Variants in SPG11 observed in about 807,000 individuals in gnomAD.
SPG11 encodes the protein SPG11 vesicle trafficking associated, spatacsin, also known as spatacsin.
Under a neutral mutation model 274.0 loss-of-function variants are expected in SPG11, and 222 were observed. That is an observed-to-expected ratio of 0.81 (90% CI 0.73 to 0.91). The LOEUF is 0.91. SPG11 is among the 40% of genes least tolerant of loss of function. SPG11 has a pLI of 0.00. For missense variants in SPG11, 3,114 were observed against 2,872.7 expected, an observed-to-expected ratio of 1.08 and a Z score of -1.92; for synonymous variants, 1,144 against 1,039.7, an observed-to-expected ratio of 1.10 and a Z score of -1.93.
chr15:44,608,519 T>C lies in SPG11; in HGVS notation c.3378A>G (p.Leu1126=). The change falls in exon 19 of 40, where the codon CTA becomes CTG. Residue 1126 remains leucine, a synonymous_variant. Coordinates refer to ENST00000261866, the MANE Select transcript of SPG11 (RefSeq NM_025137.4). ...LKMALTPYPK[L]KTALFPQCTP... ...TGCACTGTGGGAAGAGAGCAGTTTT[T>C]AGCTTGGGGTAAGGAGTTAATGCCA... 1 of 1,614,164 alleles carries C rather than the reference T, an allele frequency of 6.2e-7. No homozygotes were observed. Among genetic ancestry groups the C allele is most frequent in the Non-Finnish European group, 8.5e-7 (1 of 1,180,010 alleles).
intron 20 of SPG11, among the ~76,000 whole-genome samples, chr15:44,603,872 ATTGT>A (rs2083255606): frequency 6.6e-6 from 1 of 151,972 alleles, no homozygotes; most frequent in African/African-American, 2.4e-5. Context: ...TAATTGTTCT[ATTGT>A]TTTTCTTTTT....
intron 22 of SPG11, 28 bp downstream of exon 22, chr15:44,598,603 A>G: frequency 6.2e-7 from 1 of 1,606,474 alleles, no homozygotes; most frequent in Admixed American, 1.7e-5. Context: ...TTCTCTAAAC[A>G]AAGCAGGCCA....
At position 44,563,125 on chromosome 15, in the gene SPG11, C is replaced by A. The variant is rs1054170287; in HGVS notation, c.7328G>T (p.Gly2443Val). The change falls in exon 40 of 40, where the codon GGT (glycine) becomes GTT (valine). Residue 2443 changes from glycine (G) to valine (V), a missense_variant. By Grantham distance (109) the Gly-to-Val change is moderately radical. Transcript: ENST00000261866. Reference sequence around the variant, plus strand: ...AACAGACACCTATGAAATCATCTAACCTGCTAGCATGTCCTTTAGACAGCA... The same window carrying A: ...AACAGACACCTATGAAATCATCTAAACTGCTAGCATGTCCTTTAGACAGCA... ...TGCCLKDMLA[G>V] The A allele has an allele frequency of 6.2e-7, 1 of 1,614,000 alleles. No individual in the cohort carries two copies. Among genetic ancestry groups the A allele is most frequent in the Non-Finnish European group, 8.5e-7 (1 of 1,179,942 alleles).
In SPG11 at chr15:44,564,517, C is replaced by G. The variant is rs752328774; in HGVS notation, c.7151+30G>C. The stretch of plus-strand genomic sequence containing the variant: ...CTCACCTCAAAGCAGAGGCAAGGAG[C>G]AATGTTTACAGTCAACTTTTAATAC... On this transcript the variant is annotated intron_variant, in intron 39 of 39. Transcript: ENST00000261866. 3.1e-6 allele frequency: 5 copies of G among 1,610,652 alleles called. No homozygotes were observed. In the East Asian group the frequency reaches 6.7e-5, roughly 22 times the overall value.
chr15:44,566,103 G>A, intron 37 of SPG11, 94 bp from the exon 38 acceptor site: 1 of 1,592,398 alleles, frequency 6.3e-7, no homozygotes, highest in Admixed American at 1.7e-5. Flanking sequence ...TTCTGTTCCT[G>A]GTTGGCCTAT....
At chr15:44,604,931 CAAAAAAAA>C (rs908048525) in intron 20 of SPG11, among the ~76,000 whole-genome samples, 5 of 22,496 alleles carry the variant, frequency 2.2e-4, no homozygotes, top group South Asian at 4.4e-3. Context: ...ACTCCATCTC[CAAAAAAAA>C]AAAAAAAAAA....
chr15:44,565,960 A>G lies in SPG11; in HGVS notation c.6893T>C (p.Ile2298Thr), dbSNP rs1452765602. The G allele has an allele frequency of 1.2e-6, 2 of 1,613,888 alleles. No homozygotes were observed. Among genetic ancestry groups the G allele is most frequent in the Non-Finnish European group, 1.7e-6 (2 of 1,180,034 alleles). ...AQHCQRLTKL[I>T]TLQIHFLNTG... is the part of the protein sequence containing the mutation. Reference sequence around the variant, plus strand: ...GTTCAGAAAGTGAATCTGCAGAGTTATCAACTTGGTGAGCCGCTGACAGTG... The same window carrying G: ...GTTCAGAAAGTGAATCTGCAGAGTTGTCAACTTGGTGAGCCGCTGACAGTG... Residue 2298 changes from isoleucine (I) to threonine (T), a missense_variant, in exon 38 of 40, where the codon ATA becomes ACA. Ile to Thr is a moderately conservative substitution (Grantham distance 89). Transcript: ENST00000261866.
At position 44,592,292 on chromosome 15, in the gene SPG11, T is replaced by C. The variant is rs375172659; in HGVS notation, c.4743+39A>G. 1.5e-4 allele frequency: 191 copies of C among 1,239,994 alleles called. 1 individual carries two copies. Among genetic ancestry groups the C allele is most frequent in the Non-Finnish European group, 2.1e-4 (174 of 838,722 alleles). The allele number at this position is 1,239,994 out of a possible 1,614,324, so 76.8% of individuals were successfully genotyped here. ...AAAAAGTCCATGCATGCCAACCAAG[T>C]GCAGATCAGTGAGAAAGAGCACCAT... is the stretch of plus-strand genomic sequence containing the variant. On this transcript the variant is annotated intron_variant, in intron 27 of 39. Transcript: ENST00000261866.
intron 27 of SPG11, among the ~76,000 whole-genome samples, chr15:44,589,811 T>C (rs1336387184): frequency 1.3e-5 from 2 of 152,176 alleles, no homozygotes; most frequent in African/African-American, 4.8e-5. Context: ...TCTTTATTTT[T>C]ATTTTATTTT....
chr15:44,605,938 T>C (rs2083306048), intron 20 of SPG11, 87 bp downstream of exon 20: 1 of 1,141,620 alleles, frequency 8.8e-7, no homozygotes, highest in Admixed American at 1.8e-5. Flanking sequence ...TAAAAATCAA[T>C]GAGAAAACTA....
chr15:44,629,233 C>T lies in SPG11; in HGVS notation c.1891G>A (p.Glu631Lys). The T allele has an allele frequency of 6.2e-7, 1 of 1,613,926 alleles. No individual in the cohort carries two copies. The highest frequency in any genetic ancestry group is 8.5e-7 in the Non-Finnish European group (1 of 1,179,870). ...CCCCCTTCCTAGCTGCTATTCTTAC[C>T]TTCAGTGTGAATGAAAAGCTCCTTT... is the stretch of plus-strand genomic sequence containing the variant. The part of the protein sequence containing the change: ...QIKELFIHTE[E>K]LDEHLQKGVN... The change falls in exon 9 of 40, where the codon GAA becomes AAA. Residue 631 changes from glutamate (E) to lysine (K), a missense_variant and splice_region_variant. Coordinates refer to ENST00000261866, the MANE Select transcript of SPG11 (RefSeq NM_025137.4).
intron 7 of SPG11, among the ~76,000 whole-genome samples, chr15:44,636,189 T>C (rs546393246): frequency 1.3e-5 from 2 of 151,846 alleles, no homozygotes; most frequent in Middle Eastern, 3.4e-3. Context: ...GGAGTTATGT[T>C]GGAGGAAGAA....
chr15:44,582,761 G>GAA (rs61030142), intron 30 of SPG11, among the ~76,000 whole-genome samples: 12 of 144,384 alleles, frequency 8.3e-5, no homozygotes, highest in African/African-American at 3.0e-4. Context: ...ATAGTCTAAC[G>GAA]AAAAAAAAAA....
chr15:44,585,273 AGCTAAGATTTTAAAT>A (rs2082732393), intron 29 of SPG11, among the ~76,000 whole-genome samples: 1 of 152,040 alleles, frequency 6.6e-6, no homozygotes, highest in Non-Finnish European at 1.5e-5. Flanking sequence ...TGATTTTAAA[AGCTAAGATTTTAAAT>A]AACTTAAAAA....
chr15:44,593,919 TTTTTC>T (rs772419676), intron 26 of SPG11, among the ~76,000 whole-genome samples: 134 of 150,294 alleles, frequency 8.9e-4, no homozygotes, highest in Non-Finnish European at 1.6e-3. Context: ...ACGCCCGGCT[TTTTTC>T]TTTTCTTTTT....
chr15:44,662,785 T>C (rs1020287196), intron 1 of SPG11, among the ~76,000 whole-genome samples: 1 of 152,144 alleles, frequency 6.6e-6, no homozygotes, highest in African/African-American at 2.4e-5. Context: ...ATTGTAATCA[T>C]GTTTGTCTTC....
chr15:44,630,705 G>A (rs1232527606), intron 8 of SPG11, among the ~76,000 whole-genome samples: 2 of 151,970 alleles, frequency 1.3e-5, no homozygotes, highest in African/African-American at 2.4e-5. Flanking sequence ...TCAGCCTCCC[G>A]AGTAGCTGGG....
chr15:44,603,285 G>GT (rs2083241977), intron 20 of SPG11, among the ~76,000 whole-genome samples: 3 of 152,214 alleles, frequency 2.0e-5, no homozygotes, highest in East Asian at 3.9e-4. Context: ...TAGAGACAGT[G>GT]TCTTGCTATG....
At chr15:44,604,931 CA>C (rs908048525) in intron 20 of SPG11, among the ~76,000 whole-genome samples, 895 of 22,468 alleles carry the variant, frequency 0.04, no homozygotes, top group East Asian at 0.093. Context: ...ACTCCATCTC[CA>C]AAAAAAAAAA....
Sources: allele counts gnomAD v4.1 joint callset (sites outside exome capture counted in the v4.1 genomes callset), GRCh38; gene constraint gnomAD v4.1.1; transcripts MANE v1.5; gene names NCBI Gene and HGNC (gene_info 2026-07-23, HGNC 2026-07-21).